MRPL43: variants seen among roughly 807,000 people sequenced by gnomAD.
MRPL43 encodes large ribosomal subunit protein mL43.
In MRPL43, 9 loss-of-function variants were observed where a neutral mutation model predicts 12.7. The ratio of observed to expected loss-of-function variants is 0.71; its 90% CI spans 0.43 to 1.24. MRPL43 has a LOEUF of 1.24. Among genes scored for constraint, MRPL43 ranks in the 50% most tolerant of loss-of-function variants. The pLI is 0.00. For synonymous variants in MRPL43, 116 were observed against 96.4 expected (o/e 1.20, Z -1.19); for missense variants, 211 against 229.2 (o/e 0.92, Z 0.51).
At chr10:100,978,954 G>A (rs1850925211), downstream of MRPL43, 3 of 1,614,090 alleles carry the variant, frequency 1.9e-6, no homozygotes, top group East Asian at 2.2e-5. Flanking sequence ...ACTGAGGAGG[G>A]CTCTGGCAGC....
chr10:100,984,472 C>T (rs547371500), downstream of MRPL43: 70 of 1,529,644 alleles, frequency 4.6e-5, no homozygotes, highest in South Asian at 7.9e-4. Flanking sequence ...CTGCCCAAAC[C>T]CTTTCTCTTT....
downstream of MRPL43, chr10:100,983,842 A>G (rs145330425): frequency 3.6e-4 from 582 of 1,594,952 alleles, 6 homozygotes; most frequent in East Asian, 0.011. Context: ...GAGGGTGATG[A>G]TGAGGGGGCT....
chr10:100,979,798 C>T, downstream of MRPL43: 2 of 1,601,314 alleles, frequency 1.2e-6, no homozygotes, highest in East Asian at 2.2e-5. Flanking sequence ...AGTTGGGGGG[C>T]AGGCTTGACT....
downstream of MRPL43, chr10:100,980,848 C>T (rs141233234): frequency 4.5e-4 from 713 of 1,593,044 alleles, 2 homozygotes; most frequent in Non-Finnish European, 5.5e-4. Flanking sequence ...GGGCTCCTAG[C>T]GGAGTCATCC....
At chr10:100,978,636 CAATG>C, downstream of MRPL43, 1 of 1,613,314 alleles carries the variant, frequency 6.2e-7, no homozygotes, top group Non-Finnish European at 8.5e-7. Flanking sequence ...TGCATTGGCT[CAATG>C]GTTAGGAGGA....
chr10:100,984,014 G>C (rs771687718), downstream of MRPL43: 1 of 1,613,498 alleles, frequency 6.2e-7, no homozygotes, highest in African/African-American at 1.3e-5. Flanking sequence ...TGCTTCTGAG[G>C]CAGAGCAACA....
Position 100,986,880 on chromosome 10 carries a change from C to A in MRPL43, c.334G>T (p.Val112Leu). 6.2e-7 allele frequency: 1 copy of A among 1,613,210 alleles called. No homozygotes were observed. Among genetic ancestry groups the A allele is most frequent in the South Asian group, 1.1e-5 (1 of 91,082 alleles). Residue 112 changes from valine to leucine, a missense_variant, in exon 3 of 3, where the codon GTG (valine) becomes TTG (leucine). Physicochemically the swap from Val to Leu is conservative, Grantham distance 32. Transcript: ENST00000318364. Reference protein sequence around the residue: ...QKLADQSGLDVIRIRKPFHTD... With the variant: ...QKLADQSGLDLIRIRKPFHTD... ...TGGAAGGGCTTGCGGATGCGGATCACGTCCAAGCCCGACTGGTCGGCCAGC... is the reference window on the plus strand; with the variant it reads ...TGGAAGGGCTTGCGGATGCGGATCAAGTCCAAGCCCGACTGGTCGGCCAGC...
chr10:100,980,436 C>T (rs979224194), downstream of MRPL43: 2 of 1,417,898 alleles, frequency 1.4e-6, no homozygotes, highest in Non-Finnish European at 9.9e-7. Flanking sequence ...CTGGAGTTCC[C>T]AGTGTCCTGA....
At position 100,987,077 on chromosome 10, in the gene MRPL43, CG is replaced by C; in HGVS notation, c.238+12del. On this transcript the variant is annotated intron_variant, in intron 2 of 2. Transcript: ENST00000318364. ...CTGATCCCGCCCTCCAGCCCGAGCC[CG>C]GCCCCACTCACGGTATTCGGCCACT... 1 of 1,612,678 alleles carries C rather than the reference CG, an allele frequency of 6.2e-7. No homozygotes were observed. Among genetic ancestry groups the C allele is most frequent in the Non-Finnish European group, 8.5e-7 (1 of 1,179,896 alleles).
downstream of MRPL43, chr10:100,984,665 TCTC>T (rs1399901647): frequency 2.6e-6 from 4 of 1,536,170 alleles, no homozygotes; most frequent in African/African-American, 1.4e-5. Context: ...ACCCTCACCT[TCTC>T]CTGGTGCATT....
chr10:100,985,696 A>G (rs1001745445), downstream of MRPL43: 1 of 152,502 alleles, frequency 6.6e-6, no homozygotes, highest in Admixed American at 6.5e-5. Context: ...ACAGAAGGTG[A>G]TATCTGCCTC....
chr10:100,978,368 G>T (rs1236872889), downstream of MRPL43: 1 of 1,613,332 alleles, frequency 6.2e-7, no homozygotes, highest in Admixed American at 1.7e-5. Flanking sequence ...CCAGCCCGTG[G>T]CTTCACAGGC....
At chr10:100,986,996 G>C in intron 2 of MRPL43, 21 bp from the exon 3 acceptor site, 1 of 1,605,314 alleles carries the variant, frequency 6.2e-7, no homozygotes, top group Non-Finnish European at 8.5e-7. Context: ...AGGGGTGAGA[G>C]TGGGTGGAAG....
chr10:100,985,208 C>T (rs145456828), downstream of MRPL43: 29 of 297,576 alleles, frequency 9.7e-5, no homozygotes, highest in Non-Finnish European at 1.8e-4. Flanking sequence ...TCAACTGGCA[C>T]ATGAAGCCCA....
chr10:100,980,793 G>A (rs1338119125), downstream of MRPL43: 5 of 1,553,254 alleles, frequency 3.2e-6, no homozygotes, highest in Non-Finnish European at 3.5e-6. Context: ...TGGGGACGCT[G>A]CCGACCAACT....
At chr10:100,978,275 G>A (rs547330938), downstream of MRPL43, 372 of 1,592,982 alleles carry the variant, frequency 2.3e-4, 6 homozygotes, top group South Asian at 4.0e-3. Flanking sequence ...ACCACTTACT[G>A]CTGGTTCCTT....
Position 100,987,090 on chromosome 10 carries a change from G to T in MRPL43, c.238C>A (p.Leu80Ile), listed in dbSNP as rs1361616901. 1 of 1,613,284 alleles carries T rather than the reference G, an allele frequency of 6.2e-7. No homozygotes were observed. The highest frequency in any genetic ancestry group is 2.2e-5 in the East Asian group (1 of 44,876). Residue 80 changes from leucine (L) to isoleucine (I), a missense_variant and splice_region_variant, in exon 2 of 3, where the codon CTT (leucine) becomes ATT (isoleucine). Physicochemically the swap from Leu to Ile is conservative, Grantham distance 5. Transcript: ENST00000318364. The stretch of plus-strand genomic sequence containing the variant: ...CCAGCCCGAGCCCGGCCCCACTCAC[G>T]GTATTCGGCCACTACTCTGGGCACG... ...CCVPRVVAEY[L>I]NGAVREESIH... is the part of the protein sequence containing the mutation.
chr10:100,986,268 C>T (rs1851459209), downstream of MRPL43: 1 of 1,348,888 alleles, frequency 7.4e-7, no homozygotes, highest in Non-Finnish European at 9.5e-7. Context: ...GAAGACAGAC[C>T]TGAAATGTGA....
downstream of MRPL43, chr10:100,978,478 C>T: frequency 1.9e-6 from 3 of 1,595,448 alleles, no homozygotes; most frequent in Non-Finnish European, 2.6e-6. Flanking sequence ...ATGTCATGTG[C>T]CCTGTTGAAT....
Sources: gnomAD v4.1 joint callset for allele counts on GRCh38, gnomAD v4.1.1 for gene constraint, MANE v1.5 for transcripts, NCBI Gene and HGNC (gene_info 2026-07-23, HGNC 2026-07-21) for gene names.